KLF12: variants seen among roughly 807,000 people sequenced by gnomAD.
KLF12 encodes the protein Krueppel-like factor 12.
KLF12 carries 9 observed loss-of-function variants against 37.8 expected under a neutral mutation model. That is an observed-to-expected ratio of 0.24 (90% CI 0.14 to 0.42). The LOEUF (loss-of-function observed/expected upper bound fraction) is 0.42. Ranked by LOEUF, KLF12 falls within the 10% of genes least tolerant of loss-of-function variation. KLF12 has a pLI of 1.00. For missense variants in KLF12, 411 were observed against 516.0 expected (o/e 0.80, Z 1.97); for synonymous variants, 208 against 202.1 (o/e 1.03, Z -0.25).
chr13:74,221,932 T>C, the KLF12 span, among the ~76,000 whole-genome samples: 21 of 152,210 alleles, frequency 1.4e-4, no homozygotes, highest in African/African-American at 4.6e-4. Flanking sequence ...CTCTAGTTCA[T>C]AGGTCATTTA....
chr13:73,948,610 T>C (rs1890530512), intron 2 of KLF12, among the ~76,000 whole-genome samples: 1 of 152,178 alleles, frequency 6.6e-6, no homozygotes, highest in Non-Finnish European at 1.5e-5. Context: ...AGTATCAGAA[T>C]CAGATTACAG....
rs929624431 is a variant in KLF12 at position 73,995,039 on chromosome 13, A to C, written c.-17T>G. The C allele has an allele frequency of 6.2e-7, 1 of 1,604,698 alleles. No homozygotes were observed. The highest frequency in any genetic ancestry group is 8.5e-7 in the Non-Finnish European group (1 of 1,174,340). On this transcript the variant is annotated 5_prime_UTR_variant, in exon 2 of 8. Transcript: ENST00000377669. ...GATATTCATTCATCCATTTGTTCTTAGAGTCACATTGATCCTGCAAGAAAA... is the reference window on the plus strand; with the variant it reads ...GATATTCATTCATCCATTTGTTCTTCGAGTCACATTGATCCTGCAAGAAAA...
chr13:74,189,381 T>C, the KLF12 span, among the ~76,000 whole-genome samples: 1 of 152,196 alleles, frequency 6.6e-6, no homozygotes, highest in South Asian at 2.1e-4. Context: ...CTGGTACACG[T>C]TCTTCCTCAT....
At chr13:74,190,333 T>C in the KLF12 span, among the ~76,000 whole-genome samples, 1 of 152,214 alleles carries the variant, frequency 6.6e-6, no homozygotes, top group Admixed American at 6.5e-5. Context: ...TTTTATTTAA[T>C]TGAAAAATAT....
At chr13:73,920,485 T>A (rs1889062890) in intron 3 of KLF12, among the ~76,000 whole-genome samples, 3 of 152,200 alleles carry the variant, frequency 2.0e-5, no homozygotes, top group Admixed American at 1.3e-4. Flanking sequence ...TAAAATGTGA[T>A]TGTAACATAC....
chr13:74,186,188 G>T, the KLF12 span, among the ~76,000 whole-genome samples: 28 of 152,178 alleles, frequency 1.8e-4, 1 homozygote, highest in East Asian at 5.0e-3. Context: ...TCTTGTCTAA[G>T]AGATTTTTTT....
chr13:73,908,584 G>A (rs1306378440), intron 3 of KLF12, among the ~76,000 whole-genome samples: 4 of 151,082 alleles, frequency 2.6e-5, no homozygotes, highest in South Asian at 2.1e-4. Flanking sequence ...GGGTTCAAGC[G>A]ATTCTCCCAC....
intron 1 of KLF12, among the ~76,000 whole-genome samples, chr13:74,060,187 T>C (rs978767774): frequency 3.9e-5 from 6 of 152,220 alleles, no homozygotes; most frequent in African/African-American, 1.4e-4. Context: ...TGAATTCAAG[T>C]AACATGATGC....
At chr13:74,079,333 C>T (rs1372632816) in intron 1 of KLF12, among the ~76,000 whole-genome samples, 3 of 152,152 alleles carry the variant, frequency 2.0e-5, no homozygotes, top group African/African-American at 7.2e-5. Flanking sequence ...TGTGAATATA[C>T]TTGATGCTAG....
At chr13:73,953,459 G>A (rs1890712866) in intron 2 of KLF12, among the ~76,000 whole-genome samples, 1 of 152,092 alleles carries the variant, frequency 6.6e-6, no homozygotes, top group South Asian at 2.1e-4. Flanking sequence ...AGAAGTTTGA[G>A]TACTGTACAT....
At chr13:74,242,154 A>C in the KLF12 span, among the ~76,000 whole-genome samples, 4 of 152,218 alleles carry the variant, frequency 2.6e-5, no homozygotes, top group African/African-American at 9.7e-5. Context: ...TGAATAGTCA[A>C]ATTTTATAGA....
chr13:74,168,609 A>G, the KLF12 span, among the ~76,000 whole-genome samples: 9 of 152,214 alleles, frequency 5.9e-5, no homozygotes, highest in Admixed American at 1.3e-4. Context: ...TTCAGCAAAC[A>G]CAGTGACTGC....
intron 3 of KLF12, among the ~76,000 whole-genome samples, chr13:73,884,506 G>A (rs1270506253): frequency 6.6e-6 from 1 of 152,160 alleles, no homozygotes; most frequent in African/African-American, 2.4e-5. Context: ...GCCCTGCTCT[G>A]GTCTGCCTCT....
chr13:74,112,935 G>T (rs1305945355), intron 1 of KLF12, among the ~76,000 whole-genome samples: 3 of 152,124 alleles, frequency 2.0e-5, no homozygotes, highest in African/African-American at 7.2e-5. Context: ...AATTGAAAGT[G>T]TTACTCCATC....
intron 4 of KLF12, among the ~76,000 whole-genome samples, chr13:73,843,192 T>TA (rs904862201): frequency 2.7e-4 from 41 of 152,144 alleles, no homozygotes; most frequent in African/African-American, 9.7e-4. Flanking sequence ...CTTGTTTTTA[T>TA]AAAAAAGAGA....
intron 5 of KLF12, among the ~76,000 whole-genome samples, chr13:73,785,437 C>A (rs575885141): frequency 1.3e-5 from 2 of 152,198 alleles, no homozygotes; most frequent in East Asian, 3.9e-4. Context: ...AATGAAATGT[C>A]TTTTTACCTC....
At chr13:74,159,519 A>G in the KLF12 span, among the ~76,000 whole-genome samples, 1 of 152,214 alleles carries the variant, frequency 6.6e-6, no homozygotes, top group Admixed American at 6.5e-5. Context: ...TTGAAAATTG[A>G]CAACTGGATA....
chr13:73,988,917 A>G (rs1891894434), intron 2 of KLF12, among the ~76,000 whole-genome samples: 1 of 152,204 alleles, frequency 6.6e-6, no homozygotes, highest in Non-Finnish European at 1.5e-5. Flanking sequence ...CAATAATTTT[A>G]TGGAGTAGGA....
chr13:73,735,219 C>T (rs1877366746), intron 6 of KLF12, among the ~76,000 whole-genome samples: 1 of 151,800 alleles, frequency 6.6e-6, no homozygotes, highest in South Asian at 2.1e-4. Context: ...GTCGTTTGAG[C>T]CCAGGGAGTT....
Sources: gnomAD v4.1 joint callset for allele counts (sites outside exome capture counted in the v4.1 genomes callset) on GRCh38, gnomAD v4.1.1 for gene constraint, MANE v1.5 for transcripts, NCBI Gene and HGNC (gene_info 2026-07-23, HGNC 2026-07-21) for gene names.